The following CD2AP variants were observed in gnomAD, a reference collection of about 807,000 sequenced individuals.
CD2AP encodes the protein CD2 associated protein, also known as CD2-associated protein.
In CD2AP, 46 loss-of-function variants were observed where a neutral mutation model predicts 85.1. The observed-to-expected ratio is 0.54, with a 90% confidence interval of 0.43 to 0.69. The LOEUF is 0.69. Among genes scored for constraint, CD2AP ranks in the 30% least tolerant of loss-of-function variants. The pLI is 0.00. For missense variants in CD2AP, 769 were observed against 729.5 expected, an observed-to-expected ratio of 1.05 and a Z score of -0.62; for synonymous variants, 255 against 252.9, an observed-to-expected ratio of 1.01 and a Z score of -0.08.
At chr6:47,585,864 T>C (rs1017536391) in intron 11 of CD2AP, among the ~76,000 whole-genome samples, 3 of 152,024 alleles carry the variant, frequency 2.0e-5, no homozygotes, top group African/African-American at 7.2e-5. Flanking sequence ...TTGGATAGAG[T>C]TCATAAAACA....
At position 47,591,659 on chromosome 6, in the gene CD2AP, C is replaced by T. The variant is rs1279860713; in HGVS notation, c.1109-4202C>T. On this transcript the variant is annotated intron_variant, in intron 11 of 17. Coordinates refer to ENST00000359314, the MANE Select transcript of CD2AP (RefSeq NM_012120.3). Reference sequence around the variant, plus strand: ...ATTAATGCAGTAGGACATTGACCCTCATCTGAATTAATAAATGGGTTAACT... The same window carrying T: ...ATTAATGCAGTAGGACATTGACCCTTATCTGAATTAATAAATGGGTTAACT... Among the ~76,000 whole-genome samples, 4 of 152,076 alleles carry T rather than the reference C, an allele frequency of 2.6e-5. No homozygotes were observed. The East Asian group carries it at 7.7e-4, about 29-fold the overall frequency.
At chr6:47,567,468 A>AT (rs1214509162) in intron 5 of CD2AP, among the ~76,000 whole-genome samples, 1 of 152,152 alleles carries the variant, frequency 6.6e-6, no homozygotes, top group African/African-American at 2.4e-5. Context: ...CATAGGCATG[A>AT]TTTACCCCCC....
At chr6:47,482,447 C>T (rs1357354988) in intron 1 of CD2AP, among the ~76,000 whole-genome samples, 3 of 148,674 alleles carry the variant, frequency 2.0e-5, no homozygotes, top group Non-Finnish European at 3.0e-5. Context: ...GGCGCGATCT[C>T]GGCTCACTGC....
In CD2AP at chr6:47,624,535, G is replaced by A; in HGVS notation, c.*308G>A. The A allele has an allele frequency of 6.6e-6, 2 of 302,402 alleles. No individual in the cohort carries two copies. Among genetic ancestry groups the A allele is most frequent in the Non-Finnish European group, 1.2e-5 (2 of 162,206 alleles). The allele number at this position is 302,402 out of a possible 1,614,324, so 18.7% of individuals were successfully genotyped here. A position where few individuals can be genotyped will look rare whatever the true frequency, so the allele number is the denominator to read the frequency against. On this transcript the variant is annotated 3_prime_UTR_variant, in exon 18 of 18. Transcript: ENST00000359314. ...CACAGTAGTTTTTTTATTGAAACTT[G>A]TATTATTTTTAAAGAGATCTATACT... is the stretch of plus-strand genomic sequence containing the variant.
At chr6:47,513,890 T>G (rs1337236293) in intron 2 of CD2AP, among the ~76,000 whole-genome samples, 3 of 143,426 alleles carry the variant, frequency 2.1e-5, no homozygotes, top group Non-Finnish European at 3.1e-5. Context: ...AAAATTTTTT[T>G]TTGGGGGGGG....
At chr6:47,521,355 C>T (rs1448709055) in intron 2 of CD2AP, among the ~76,000 whole-genome samples, 3 of 152,034 alleles carry the variant, frequency 2.0e-5, no homozygotes, top group Non-Finnish European at 2.9e-5. Flanking sequence ...AGTTTGAGAC[C>T]AGCTTTGCCA....
chr6:47,505,011 C>CTTTTTTTTTTTTTTTTTTTTTTT (rs58060161), intron 2 of CD2AP, among the ~76,000 whole-genome samples: 3 of 95,114 alleles, frequency 3.2e-5, no homozygotes, highest in East Asian at 4.1e-4. Context: ...GTGGCAGTTT[C>CTTTTTTTTTTTTTTTTTTTTTTT]TTTTTTTTTT....
chr6:47,541,986 T>G (rs1767227004), intron 3 of CD2AP, among the ~76,000 whole-genome samples: 2 of 152,208 alleles, frequency 1.3e-5, no homozygotes, highest in Non-Finnish European at 2.9e-5. Context: ...AAATCCTACT[T>G]TGTTAGTAAA....
intron 2 of CD2AP, among the ~76,000 whole-genome samples, chr6:47,524,692 G>A (rs1766677628): frequency 6.6e-6 from 1 of 152,080 alleles, no homozygotes; most frequent in African/African-American, 2.4e-5. Context: ...GCCATTGACA[G>A]TGAATTTATA....
chr6:47,598,233 C>CA lies in CD2AP; in HGVS notation c.1275-1062dup, dbSNP rs565340801. Among the ~76,000 whole-genome samples, 12 of 150,650 alleles carry CA rather than the reference C, an allele frequency of 8.0e-5. No individual in the cohort carries two copies. The South Asian group carries it at 1.5e-3, about 18-fold the overall frequency. The stretch of plus-strand genomic sequence containing the variant: ...CACTTCTGCAAGAATGGCCATAAAT[C>CA]AAAAAATCAAAAAATAATAGATGTT... On this transcript the variant is annotated intron_variant, in intron 12 of 17. Coordinates refer to ENST00000359314, the MANE Select transcript of CD2AP (RefSeq NM_012120.3).
intron 11 of CD2AP, among the ~76,000 whole-genome samples, chr6:47,582,468 A>C (rs1056956856): frequency 2.6e-5 from 4 of 152,210 alleles, no homozygotes; most frequent in African/African-American, 9.7e-5. Context: ...GTCATAATGT[A>C]AACCTGGAAA....
In CD2AP at chr6:47,584,988, A is replaced by G. The variant is rs116755882; in HGVS notation, c.1108+2923A>G. On this transcript the variant is annotated intron_variant, in intron 11 of 17. Transcript: ENST00000359314. ...CTTCCCCTTTTCCCTAAAATCAGTC[A>G]GTTGTTCTTATAAATAAATTGGAGG... Among the ~76,000 whole-genome samples the G allele has an allele frequency of 9.8e-3, 1,498 of 152,190 alleles. 13 individuals are homozygous for G. Among genetic ancestry groups the G allele is most frequent in the Non-Finnish European group, 0.015 (1,046 of 67,988 alleles).
chr6:47,599,861 C>T (rs567350764), intron 13 of CD2AP, among the ~76,000 whole-genome samples: 11 of 151,926 alleles, frequency 7.2e-5, no homozygotes, highest in Non-Finnish European at 1.2e-4. Context: ...TCTAGAGATA[C>T]TTTTATTTCC....
At position 47,533,732 on chromosome 6, in the gene CD2AP, C is replaced by A; in HGVS notation, c.296C>A (p.Pro99Gln). Residue 99 changes from proline (P) to glutamine (Q), a missense_variant, in exon 3 of 18, where the codon CCA becomes CAA. By Grantham distance (76) the Pro-to-Gln change is moderately conservative. Transcript: ENST00000359314. ...GLPAGGIQPH[P>Q]QTKNIKKKTK... ...CCAGCTGGAGGAATTCAGCCACATCCACAAACCAAAAACATTAAGAAGAGT... is the reference window on the plus strand; with the variant it reads ...CCAGCTGGAGGAATTCAGCCACATCAACAAACCAAAAACATTAAGAAGAGT... 1 of 1,614,006 alleles carries A rather than the reference C, an allele frequency of 6.2e-7. No homozygotes were observed. The highest frequency in any genetic ancestry group is 8.5e-7 in the Non-Finnish European group (1 of 1,179,974).
rs1388710449 is a variant in CD2AP, at chr6:47,625,665, A to AACC, written c.*1443_*1445dup. On this transcript the variant is annotated 3_prime_UTR_variant, in exon 18 of 18. Coordinates refer to ENST00000359314, the MANE Select transcript of CD2AP (RefSeq NM_012120.3). The stretch of plus-strand genomic sequence containing the variant: ...CATGCTTCCATTTTTTTTAGTTTTA[A>AACC]ACCACCAAACCAATATTTTTCCTTT... 20 of 151,912 alleles carry AACC rather than the reference A, an allele frequency of 1.3e-4. No individual in the cohort carries two copies. Among genetic ancestry groups the AACC allele is most frequent in the African/African-American group, 4.8e-4 (20 of 41,538 alleles). 9.4% of individuals were successfully genotyped at this position (151,912 alleles called of 1,614,324 possible).
intron 2 of CD2AP, among the ~76,000 whole-genome samples, chr6:47,505,374 A>G (rs1290841424): frequency 1.3e-5 from 2 of 148,560 alleles, no homozygotes; most frequent in Middle Eastern, 3.4e-3. Flanking sequence ...GGATCCCAAG[A>G]CAGAGGAATT....
intron 2 of CD2AP, among the ~76,000 whole-genome samples, chr6:47,520,667 A>T (rs560031677): frequency 6.7e-6 from 1 of 149,080 alleles, no homozygotes; most frequent in South Asian, 2.1e-4. Flanking sequence ...TTATAGCCTG[A>T]TGAGGATGGA....
intron 13 of CD2AP, among the ~76,000 whole-genome samples, chr6:47,602,106 T>C (rs1424218853): frequency 6.6e-6 from 1 of 152,044 alleles, no homozygotes; most frequent in African/African-American, 2.4e-5. Flanking sequence ...TGTTCACAGA[T>C]ATGATTTTCT....
At chr6:47,505,768 C>A (rs1766138621) in intron 2 of CD2AP, among the ~76,000 whole-genome samples, 5 of 88,258 alleles carry the variant, frequency 5.7e-5, no homozygotes, top group Admixed American at 9.0e-5. Context: ...GCGCCCCTCA[C>A]CTCCCGGACG....
Sources: gnomAD v4.1 joint callset for allele counts (sites outside exome capture counted in the v4.1 genomes callset) on GRCh38, gnomAD v4.1.1 for gene constraint, MANE v1.5 for transcripts, NCBI Gene and HGNC (gene_info 2026-07-23, HGNC 2026-07-21) for gene names.